The following GPSM2 variants were observed in gnomAD, a reference collection of about 807,000 sequenced individuals.
GPSM2 encodes the protein G protein-signaling modulator 2.
In GPSM2, 58 loss-of-function variants were observed where a neutral mutation model predicts 78.4. The ratio of observed to expected loss-of-function variants is 0.74; its 90% CI spans 0.60 to 0.92. The LOEUF is 0.92. GPSM2 is among the 40% of genes least tolerant of loss of function. The probability of loss-of-function intolerance (pLI) is 0.00; values close to 1 mark genes in which losing one functional copy is unlikely to be tolerated. For synonymous variants in GPSM2, 224 were observed against 280.2 expected (o/e 0.80, Z 2.00); for missense variants, 700 against 815.5 (o/e 0.86, Z 1.73).
In GPSM2 at chr1:108,906,597, C is replaced by T. The variant is rs538237700; in HGVS notation, c.1192+2343C>T. On this transcript the variant is annotated intron_variant, in intron 10 of 14. Transcript: ENST00000264126. ...TTTCTAAATTAAAAAAATATTTTGG[C>T]CAGGCACAGTGGCTCACGCCTGTAA... Among the ~76,000 whole-genome samples, 69 of 149,142 alleles carry T rather than the reference C, an allele frequency of 4.6e-4. 1 individual carries two copies. The highest frequency in any genetic ancestry group is 8.3e-4 in the Non-Finnish European group (56 of 67,618).
At position 108,913,001 on chromosome 1, in the gene GPSM2, AGT is replaced by A. The variant is rs528682116; in HGVS notation, c.1193-1335_1193-1334del. On this transcript the variant is annotated intron_variant, in intron 10 of 14. Transcript: ENST00000264126. ...ACTTCATCTCATCAGCAAACATCAC[AGT>A]GGAGTACTGGTAGAAACTTATGAGG... Among the ~76,000 whole-genome samples the A allele has an allele frequency of 4.0e-3, 602 of 152,312 alleles. 8 individuals are homozygous for A. Among genetic ancestry groups the A allele is most frequent in the African/African-American group, 0.014 (566 of 41,554 alleles).
intron 2 of GPSM2, among the ~76,000 whole-genome samples, chr1:108,894,081 GATTT>G (rs975374089): frequency 1.3e-5 from 2 of 151,916 alleles, no homozygotes; most frequent in Admixed American, 1.3e-4. Context: ...ATCTTTTGTT[GATTT>G]ATTTATCTTT....
chr1:108,910,660 C>G (rs1255172163), intron 10 of GPSM2, among the ~76,000 whole-genome samples: 1 of 151,938 alleles, frequency 6.6e-6, no homozygotes, highest in Non-Finnish European at 1.5e-5. Flanking sequence ...GTCAGGAGTT[C>G]GAGACCAGCC....
In GPSM2 at chr1:108,904,292, C is replaced by T. The variant is rs773155800; in HGVS notation, c.1192+38C>T. The stretch of plus-strand genomic sequence containing the variant: ...ACTTTTAAAACCCAATTTTTTTATC[C>T]TCAATATTTAGATTAAAGTTATTTA... On this transcript the variant is annotated intron_variant, in intron 10 of 14. Coordinates refer to ENST00000264126, the MANE Select transcript of GPSM2 (RefSeq NM_013296.5). 4 of 1,290,396 alleles carry T rather than the reference C, an allele frequency of 3.1e-6. No individual in the cohort carries two copies. The African/African-American group carries it at 5.8e-5, about 19-fold the overall frequency. 79.9% of individuals were successfully genotyped at this position (1,290,396 alleles called of 1,614,324 possible). A position where few individuals can be genotyped will look rare whatever the true frequency, so the allele number is the denominator to read the frequency against.
In GPSM2 at chr1:108,901,780, C is replaced by G; in HGVS notation, c.798-10C>G. On this transcript the variant is annotated splice_polypyrimidine_tract_variant and intron_variant, in intron 7 of 14. Transcript: ENST00000264126. ...ATGATCATTATATAAGAATTAATTT[C>G]TTCTTGTAGGAAGACACTACTGTTG... The G allele has an allele frequency of 1.2e-6, 2 of 1,600,104 alleles. No individual in the cohort carries two copies. Among genetic ancestry groups the G allele is most frequent in the Non-Finnish European group, 1.7e-6 (2 of 1,167,182 alleles).
rs1368769142 is a variant in GPSM2 at position 108,933,617 on chromosome 1, T to C, written c.*3677T>C. ...TTAGTAAGCAGTTGAACATAACTTG[T>C]AGTGTGAATATGGTTAAAACAAAGG... On this transcript the variant is annotated 3_prime_UTR_variant, in exon 15 of 15. Coordinates refer to ENST00000264126, the MANE Select transcript of GPSM2 (RefSeq NM_013296.5). The C allele has an allele frequency of 2.0e-5, 3 of 152,262 alleles. No individual in the cohort carries two copies. The highest frequency in any genetic ancestry group is 2.9e-5 in the Non-Finnish European group (2 of 68,046). The allele number at this position is 152,262 out of a possible 1,614,324, so 9.4% of individuals were successfully genotyped here.
chr1:108,884,451 G>C (rs915814204), intron 1 of GPSM2, among the ~76,000 whole-genome samples: 10 of 152,144 alleles, frequency 6.6e-5, no homozygotes, highest in African/African-American at 2.4e-4. Context: ...GAATATACAT[G>C]CAAGTTGTAG....
Position 108,885,358 on chromosome 1 carries a change from C to A in GPSM2, c.-165C>A, listed in dbSNP as rs533237443. ...GAACCTTTAAGCTGTCTGACATTGA[C>A]CTCCTTTCATTATTAATAAAGAAGA... On this transcript the variant is annotated 5_prime_UTR_variant, in exon 2 of 15. Transcript: ENST00000264126. 5.0e-5 allele frequency: 26 copies of A among 519,132 alleles called. No homozygotes were observed. In the East Asian group the frequency reaches 6.7e-4, roughly 13 times the overall value. The allele number at this position is 519,132 out of a possible 1,614,324, so 32.2% of individuals were successfully genotyped here.
intron 9 of GPSM2, among the ~76,000 whole-genome samples, chr1:108,903,699 T>C (rs1649002975): frequency 6.6e-6 from 1 of 152,210 alleles, no homozygotes; most frequent in Non-Finnish European, 1.5e-5. Context: ...AGCTAATGTA[T>C]ATTAAAAGTG....
intron 11 of GPSM2, among the ~76,000 whole-genome samples, chr1:108,917,611 CATATATAT>C (rs55909258): frequency 0.03 from 651 of 21,906 alleles, 5 homozygotes; most frequent in African/African-American, 0.038. Flanking sequence ...CACACACACA[CATATATAT>C]ATATATATAT....
intron 10 of GPSM2, among the ~76,000 whole-genome samples, chr1:108,909,233 T>TA (rs1176631365): frequency 2.8e-4 from 42 of 152,228 alleles, no homozygotes; most frequent in African/African-American, 9.9e-4. Context: ...TATTTTTTAA[T>TA]ATGGGGTCAC....
At chr1:108,880,243 C>G (rs1665826540) in intron 1 of GPSM2, among the ~76,000 whole-genome samples, 1 of 152,184 alleles carries the variant, frequency 6.6e-6, no homozygotes, top group Non-Finnish European at 1.5e-5. Flanking sequence ...CTCAAACTCT[C>G]TAGGGACCCT....
intron 11 of GPSM2, 106 bp from the exon 12 acceptor site, chr1:108,918,507 C>A: frequency 1.2e-6 from 1 of 821,980 alleles, no homozygotes. Context: ...CCTCTCTCCC[C>A]CAATAGTAAA....
intron 1 of GPSM2, among the ~76,000 whole-genome samples, chr1:108,879,649 G>A (rs1665800480): frequency 6.6e-6 from 1 of 152,080 alleles, no homozygotes; most frequent in African/African-American, 2.4e-5. Flanking sequence ...CCTGACCAAC[G>A]TGGTGAAACC....
intron 2 of GPSM2, among the ~76,000 whole-genome samples, chr1:108,894,282 C>G (rs1252279138): frequency 6.6e-6 from 1 of 152,152 alleles, no homozygotes; most frequent in Non-Finnish European, 1.5e-5. Context: ...TTTAAGGTTT[C>G]TGATTTAACT....
intron 14 of GPSM2, chr1:108,927,026 T>C (rs999591062): frequency 3.3e-5 from 5 of 151,992 alleles, no homozygotes; most frequent in Non-Finnish European, 1.5e-5. Context: ...CAATGAACAA[T>C]TGGAAAAGAA....
chr1:108,914,124 C>A (rs1649987297), intron 10 of GPSM2, among the ~76,000 whole-genome samples: 1 of 152,150 alleles, frequency 6.6e-6, no homozygotes, highest in African/African-American at 2.4e-5. Context: ...AATGTAACTT[C>A]CTTACATCAA....
At chr1:108,924,545 G>A (rs963460118) in intron 14 of GPSM2, among the ~76,000 whole-genome samples, 12 of 152,134 alleles carry the variant, frequency 7.9e-5, no homozygotes, top group Admixed American at 1.3e-4. Flanking sequence ...GGTAAGCAAA[G>A]GTGTTGGTGG....
At chr1:108,918,562 C>A in intron 11 of GPSM2, 51 bp from the exon 12 acceptor site, 1 of 1,324,566 alleles carries the variant, frequency 7.5e-7, no homozygotes, top group Non-Finnish European at 1.1e-6. Context: ...CAGAAGAGAG[C>A]TGGGGATTTG....
Sources: allele counts gnomAD v4.1 joint callset (sites outside exome capture counted in the v4.1 genomes callset), GRCh38; gene constraint gnomAD v4.1.1; transcripts MANE v1.5; gene names NCBI Gene and HGNC (gene_info 2026-07-23, HGNC 2026-07-21).